The following LCE1A variants were observed in gnomAD, a reference collection of about 807,000 sequenced individuals.
LCE1A encodes late cornified envelope 1A, also known as late cornified envelope protein 1A.
For synonymous variants in LCE1A, 59 were observed against 53.8 expected, an observed-to-expected ratio of 1.10 and a Z score of -0.43; for missense variants, 138 against 140.0, an observed-to-expected ratio of 0.99 and a Z score of 0.07.
chr1:152,827,508 C>A lies in LCE1A; in HGVS notation c.36C>A (p.Pro12=). The A allele has an allele frequency of 6.2e-7, 1 of 1,613,750 alleles. No homozygotes were observed. Among genetic ancestry groups the A allele is most frequent in the Non-Finnish European group, 8.5e-7 (1 of 1,179,968 alleles). The part of the protein sequence containing the change: ...SCQQSQQQCQ[P]PPKCTPKCPP... ...AGCAGAGCCAGCAGCAGTGCCAGCCCCCTCCCAAGTGCACCCCCAAGTGCC... is the reference window on the plus strand; with the variant it reads ...AGCAGAGCCAGCAGCAGTGCCAGCCACCTCCCAAGTGCACCCCCAAGTGCC... Residue 12 remains proline (P), a synonymous_variant, in exon 1 of 1, where the codon CCC becomes CCA. Coordinates refer to ENST00000335123, the MANE Select transcript of LCE1A (RefSeq NM_178348.2).
At position 152,827,843 on chromosome 1, in the gene LCE1A, A is replaced by G; in HGVS notation, c.*38A>G. 1 of 1,530,326 alleles carries G rather than the reference A, an allele frequency of 6.5e-7. No homozygotes were observed. 94.8% of individuals were successfully genotyped at this position (1,530,326 alleles called of 1,614,324 possible). A position where few individuals can be genotyped will look rare whatever the true frequency, so the allele number is the denominator to read the frequency against. On this transcript the variant is annotated 3_prime_UTR_variant, in exon 1 of 1. Transcript: ENST00000335123. ...ACCTAGAAGAGCAGACTCGGGTGAA[A>G]TGAGTGATCAAACATTTCCTCCTCA...
At position 152,827,505 on chromosome 1, in the gene LCE1A, G is replaced by T; in HGVS notation, c.33G>T (p.Gln11His). 6.2e-7 allele frequency: 1 copy of T among 1,612,880 alleles called. No homozygotes were observed. Among genetic ancestry groups the T allele is most frequent in the Non-Finnish European group, 8.5e-7 (1 of 1,179,750 alleles). Residue 11 changes from glutamine to histidine, a missense_variant, in exon 1 of 1, where the codon CAG (glutamine) becomes CAT (histidine). By Grantham distance (24) the Gln-to-His change is conservative. Coordinates refer to ENST00000335123, the MANE Select transcript of LCE1A (RefSeq NM_178348.2). MSCQQSQQQC[Q>H]PPPKCTPKCP... ...GCCAGCAGAGCCAGCAGCAGTGCCA[G>T]CCCCCTCCCAAGTGCACCCCCAAGT...
rs768506527 is a variant in LCE1A, at chr1:152,827,634, C to T, written c.162C>T (p.Ser54=). The T allele has an allele frequency of 6.2e-7, 1 of 1,613,960 alleles. No homozygotes were observed. Among genetic ancestry groups the T allele is most frequent in the East Asian group, 2.2e-5 (1 of 44,848 alleles). Residue 54 remains serine, a synonymous_variant, in exon 1 of 1, where the codon TCC becomes TCT. Coordinates refer to ENST00000335123, the MANE Select transcript of LCE1A (RefSeq NM_178348.2). ...CSVSSGGCCG[S]SSGGGCSSGG... is the part of the protein sequence containing the mutation. Reference sequence around the variant, plus strand: ...TCAGCTCCGGAGGCTGCTGTGGCTCCAGCTCTGGGGGCGGCTGCAGCTCTG... The same window carrying T: ...TCAGCTCCGGAGGCTGCTGTGGCTCTAGCTCTGGGGGCGGCTGCAGCTCTG...
chr1:152,827,999 T>A lies in LCE1A; in HGVS notation c.*194T>A. The stretch of plus-strand genomic sequence containing the variant: ...CTCCCACAAACCTATCTGCTGCCCC[T>A]GACACCAACTGTGTTGTCTACTCTG... On this transcript the variant is annotated 3_prime_UTR_variant, in exon 1 of 1. Coordinates refer to ENST00000335123, the MANE Select transcript of LCE1A (RefSeq NM_178348.2). 1 of 642,060 alleles carries A rather than the reference T, an allele frequency of 1.6e-6. No individual in the cohort carries two copies. Among genetic ancestry groups the A allele is most frequent in the Non-Finnish European group, 2.7e-6 (1 of 372,596 alleles). 39.8% of individuals were successfully genotyped at this position (642,060 alleles called of 1,614,324 possible). A position where few individuals can be genotyped will look rare whatever the true frequency, so the allele number is the denominator to read the frequency against.
At position 152,827,878 on chromosome 1, in the gene LCE1A, T is replaced by C. The variant is rs1415849341; in HGVS notation, c.*73T>C. 2 of 1,459,058 alleles carry C rather than the reference T, an allele frequency of 1.4e-6. No individual in the cohort carries two copies. Among genetic ancestry groups the C allele is most frequent in the Non-Finnish European group, 1.8e-6 (2 of 1,097,566 alleles). 90.4% of individuals were successfully genotyped at this position (1,459,058 alleles called of 1,614,324 possible). ...AAACATTTCCTCCTCACCTGTCTCCTCCTGGGCCTGCAAGAGTGGCTGAGA... is the reference window on the plus strand; with the variant it reads ...AAACATTTCCTCCTCACCTGTCTCCCCCTGGGCCTGCAAGAGTGGCTGAGA... On this transcript the variant is annotated 3_prime_UTR_variant, in exon 1 of 1. Transcript: ENST00000335123.
chr1:152,827,688 C>T lies in LCE1A; in HGVS notation c.216C>T (p.His72=). ...SGGGGCCLSH[H]RRHRSHRHRL... The stretch of plus-strand genomic sequence containing the variant: ...GAGGTGGCTGCTGCCTGAGCCACCA[C>T]AGGCGCCACAGGTCCCACCGTCACA... The change falls in exon 1 of 1, where the codon CAC becomes CAT. Residue 72 remains histidine, a synonymous_variant. Coordinates refer to ENST00000335123, the MANE Select transcript of LCE1A (RefSeq NM_178348.2). The T allele has an allele frequency of 6.2e-7, 1 of 1,612,940 alleles. No individual in the cohort carries two copies. Among genetic ancestry groups the T allele is most frequent in the Non-Finnish European group, 8.5e-7 (1 of 1,179,890 alleles).
chr1:152,827,535 TCCC>T lies in LCE1A; in HGVS notation c.64_66del (p.Pro22del), dbSNP rs1474460459. 7.0e-7 allele frequency: 1 copy of T among 1,419,820 alleles called. No individual in the cohort carries two copies. The highest frequency in any genetic ancestry group is 2.2e-5 in the Admixed American group (1 of 45,134). 88.0% of individuals were successfully genotyped at this position (1,419,820 alleles called of 1,614,324 possible). ...CTCCCAAGTGCACCCCCAAGTGCCC[TCCC>T]AAGTGCCCCACTCCTAAGTGCCCCC... On this transcript the variant is annotated inframe_deletion, in exon 1 of 1. Coordinates refer to ENST00000335123, the MANE Select transcript of LCE1A (RefSeq NM_178348.2).
rs750933694 is a variant in LCE1A at position 152,827,519 on chromosome 1, G to T, written c.47G>T (p.Cys16Phe). Residue 16 changes from cysteine (C) to phenylalanine (F), a missense_variant, in exon 1 of 1, where the codon TGC (cysteine) becomes TTC (phenylalanine). Transcript: ENST00000335123. ...CAGCAGTGCCAGCCCCCTCCCAAGT[G>T]CACCCCCAAGTGCCCTCCCAAGTGC... ...SQQQCQPPPK[C>F]TPKCPPKCPT... The T allele has an allele frequency of 7.5e-6, 12 of 1,607,404 alleles. No homozygotes were observed. Among genetic ancestry groups the T allele is most frequent in the Non-Finnish European group, 1.0e-5 (12 of 1,177,946 alleles).
Position 152,827,811 on chromosome 1 carries a change from A to G in LCE1A, c.*6A>G, listed in dbSNP as rs1311586372. ...ACTCTGGAGGCTGCTGCTGAAGCGG[A>G]CTCTGCACCTAGAAGAGCAGACTCG... is the stretch of plus-strand genomic sequence containing the variant. On this transcript the variant is annotated 3_prime_UTR_variant, in exon 1 of 1. Coordinates refer to ENST00000335123, the MANE Select transcript of LCE1A (RefSeq NM_178348.2). 6.3e-7 allele frequency: 1 copy of G among 1,580,686 alleles called. No individual in the cohort carries two copies. Among genetic ancestry groups the G allele is most frequent in the South Asian group, 1.2e-5 (1 of 86,496 alleles).
Position 152,827,553 on chromosome 1 carries a change from T to A in LCE1A, c.81T>A (p.Pro27=). ...TPKCPPKCPT[P]KCPPKCPPKC... ...AGTGCCCTCCCAAGTGCCCCACTCC[T>A]AAGTGCCCCCCAAAGTGTCCCCCTA... The change falls in exon 1 of 1, where the codon CCT becomes CCA. Residue 27 remains proline, a synonymous_variant. Transcript: ENST00000335123. 6.4e-7 allele frequency: 1 copy of A among 1,551,162 alleles called. No homozygotes were observed. Among genetic ancestry groups the A allele is most frequent in the Non-Finnish European group, 8.7e-7 (1 of 1,152,216 alleles).
Position 152,827,792 on chromosome 1 carries a change from G to C in LCE1A, c.320G>C (p.Gly107Ala). The change falls in exon 1 of 1, where the codon GGA becomes GCA. Residue 107 changes from glycine to alanine, a missense_variant. By Grantham distance (60) the Gly-to-Ala change is moderately conservative. Transcript: ENST00000335123. ...GGAGGGGACAGCGGCCAGCACTCTGGAGGCTGCTGCTGAAGCGGACTCTGC... is the reference window on the plus strand; with the variant it reads ...GGAGGGGACAGCGGCCAGCACTCTGCAGGCTGCTGCTGAAGCGGACTCTGC... Reference protein sequence around the residue: ...CCGGDSGQHSGGCC With the variant: ...CCGGDSGQHSAGCC 1 of 1,598,214 alleles carries C rather than the reference G, an allele frequency of 6.3e-7. No homozygotes were observed. The highest frequency in any genetic ancestry group is 1.1e-5 in the South Asian group (1 of 89,556).
Position 152,828,042 on chromosome 1 carries a change from C to A in LCE1A, c.*237C>A, listed in dbSNP as rs556212625. The A allele has an allele frequency of 1.5e-5, 8 of 550,300 alleles. No homozygotes were observed. The African/African-American group carries it at 1.5e-4, about 10-fold the overall frequency. The allele number at this position is 550,300 out of a possible 1,614,324, so 34.1% of individuals were successfully genotyped here. On this transcript the variant is annotated 3_prime_UTR_variant, in exon 1 of 1. Coordinates refer to ENST00000335123, the MANE Select transcript of LCE1A (RefSeq NM_178348.2). ...CTACTCTGGGATCCCAAGCCACAAA[C>A]TCACTCTCCAGCTCATTTCCTGCAG...
Position 152,827,637 on chromosome 1 carries a change from C to A in LCE1A, c.165C>A (p.Ser55Arg). ...GCTCCGGAGGCTGCTGTGGCTCCAG[C>A]TCTGGGGGCGGCTGCAGCTCTGGGG... ...SVSSGGCCGSSSGGGCSSGGG... is the reference protein window; with the variant it reads ...SVSSGGCCGSRSGGGCSSGGG... Residue 55 changes from serine to arginine, a missense_variant, in exon 1 of 1, where the codon AGC becomes AGA. Physicochemically the swap from Ser to Arg is moderately radical, Grantham distance 110. Transcript: ENST00000335123. The A allele has an allele frequency of 6.2e-7, 1 of 1,613,988 alleles. No homozygotes were observed. Among genetic ancestry groups the A allele is most frequent in the African/African-American group, 1.3e-5 (1 of 74,984 alleles).
Position 152,827,969 on chromosome 1 carries a change from T to G in LCE1A, c.*164T>G. On this transcript the variant is annotated 3_prime_UTR_variant, in exon 1 of 1. Transcript: ENST00000335123. ...TCTGCCCTGGGATCCAGAAACTTGA[T>G]TCTTCTCCCACAAACCTATCTGCTG... is the stretch of plus-strand genomic sequence containing the variant. 1.2e-6 allele frequency: 1 copy of G among 814,092 alleles called. No individual in the cohort carries two copies. The highest frequency in any genetic ancestry group is 1.9e-6 in the Non-Finnish European group (1 of 525,894). The allele number at this position is 814,092 out of a possible 1,614,324, so 50.4% of individuals were successfully genotyped here.
rs200150558 is a variant in LCE1A at position 152,827,577 on chromosome 1, T to G, written c.105T>G (p.Pro35=). The G allele has an allele frequency of 1.2e-5, 19 of 1,579,210 alleles. No homozygotes were observed. Among genetic ancestry groups the G allele is most frequent in the Non-Finnish European group, 1.5e-5 (17 of 1,169,036 alleles). Residue 35 remains proline, a synonymous_variant, in exon 1 of 1, where the codon CCT becomes CCG. Coordinates refer to ENST00000335123, the MANE Select transcript of LCE1A (RefSeq NM_178348.2). ...CTAAGTGCCCCCCAAAGTGTCCCCCTAAGTGCCCTCCAGTCTCTTCCTGCT... is the reference window on the plus strand; with the variant it reads ...CTAAGTGCCCCCCAAAGTGTCCCCCGAAGTGCCCTCCAGTCTCTTCCTGCT... ...PTPKCPPKCP[P]KCPPVSSCCS... is the part of the protein sequence containing the mutation.
chr1:152,827,724 C>T lies in LCE1A; in HGVS notation c.252C>T (p.Ser84=), dbSNP rs73021137. 15,817 of 1,613,548 alleles carry T rather than the reference C, an allele frequency of 9.8e-3. 1,015 individuals are homozygous for T. The African/African-American group carries it at 0.16, about 16-fold the overall frequency. Residue 84 remains serine, a synonymous_variant, in exon 1 of 1, where the codon AGC becomes AGT. Coordinates refer to ENST00000335123, the MANE Select transcript of LCE1A (RefSeq NM_178348.2). ...GGTCCCACCGTCACAGACTCCAGAG[C>T]TCTGGCTGCTGCAGCCAGCCCTCGG... is the stretch of plus-strand genomic sequence containing the variant. The part of the protein sequence containing the change: ...RHRSHRHRLQ[S]SGCCSQPSGG...
In LCE1A at chr1:152,827,932, C is replaced by A; in HGVS notation, c.*127C>A. ...CCGCGTGAAGGCTCTGAGCTCTGGCCTAGAGGATCCCTCTGCCCTGGGATC... is the reference window on the plus strand; with the variant it reads ...CCGCGTGAAGGCTCTGAGCTCTGGCATAGAGGATCCCTCTGCCCTGGGATC... On this transcript the variant is annotated 3_prime_UTR_variant, in exon 1 of 1. Transcript: ENST00000335123. 9.1e-7 allele frequency: 1 copy of A among 1,097,718 alleles called. No homozygotes were observed. Among genetic ancestry groups the A allele is most frequent in the Admixed American group, 2.9e-5 (1 of 34,402 alleles). The allele number at this position is 1,097,718 out of a possible 1,614,324, so 68.0% of individuals were successfully genotyped here.
chr1:152,827,997 C>T lies in LCE1A; in HGVS notation c.*192C>T. 6 of 653,142 alleles carry T rather than the reference C, an allele frequency of 9.2e-6. No individual in the cohort carries two copies. The South Asian group carries it at 1.1e-4, about 12-fold the overall frequency. 40.5% of individuals were successfully genotyped at this position (653,142 alleles called of 1,614,324 possible). ...TTCTCCCACAAACCTATCTGCTGCC[C>T]CTGACACCAACTGTGTTGTCTACTC... On this transcript the variant is annotated 3_prime_UTR_variant, in exon 1 of 1. Transcript: ENST00000335123.
chr1:152,827,853 A>C lies in LCE1A; in HGVS notation c.*48A>C. The C allele has an allele frequency of 6.6e-7, 1 of 1,516,868 alleles. No homozygotes were observed. Among genetic ancestry groups the C allele is most frequent in the Non-Finnish European group, 8.8e-7 (1 of 1,133,600 alleles). 94.0% of individuals were successfully genotyped at this position (1,516,868 alleles called of 1,614,324 possible). A position where few individuals can be genotyped will look rare whatever the true frequency, so the allele number is the denominator to read the frequency against. On this transcript the variant is annotated 3_prime_UTR_variant, in exon 1 of 1. Coordinates refer to ENST00000335123, the MANE Select transcript of LCE1A (RefSeq NM_178348.2). ...GCAGACTCGGGTGAAATGAGTGATC[A>C]AACATTTCCTCCTCACCTGTCTCCT...
Sources: allele counts gnomAD v4.1 joint callset, GRCh38; gene constraint gnomAD v4.1.1; transcripts MANE v1.5; gene names NCBI Gene and HGNC (gene_info 2026-07-23, HGNC 2026-07-21).